The following ADGRV1 variants were observed in gnomAD, a reference collection of about 807,000 sequenced individuals.
ADGRV1 encodes the protein adhesion G protein-coupled receptor V1.
ADGRV1 carries 359 observed loss-of-function variants against 596.2 expected under a neutral mutation model. The observed-to-expected ratio is 0.60, with a 90% CI of 0.55 to 0.66. The LOEUF is 0.66. Among genes scored for constraint, ADGRV1 ranks in the 30% least tolerant of loss-of-function variants. The pLI is 0.00. For missense variants in ADGRV1, 7,274 were observed against 7,575.6 expected (o/e 0.96, Z 1.48); for synonymous variants, 2,681 against 2,679.2 (o/e 1.00, Z -0.02).
At chr5:90,639,676 G>A (rs956068931) in intron 11 of ADGRV1, among the ~76,000 whole-genome samples, 2 of 152,100 alleles carry the variant, frequency 1.3e-5, no homozygotes, top group Admixed American at 1.3e-4. Flanking sequence ...AATTTGACTA[G>A]TAATTGGTGC....
At chr5:90,605,356 A>G (rs976367639) in intron 1 of ADGRV1, among the ~76,000 whole-genome samples, 1 of 151,654 alleles carries the variant, frequency 6.6e-6, no homozygotes, top group Non-Finnish European at 1.5e-5. Context: ...TGGAGGTTGC[A>G]GTGAGCCAAG....
chr5:90,865,279 G>C (rs1031374277), intron 83 of ADGRV1, among the ~76,000 whole-genome samples: 1 of 152,050 alleles, frequency 6.6e-6, no homozygotes, highest in Non-Finnish European at 1.5e-5. Flanking sequence ...TTGAATCTAA[G>C]ATCTTAGAAA....
At position 90,706,442 on chromosome 5, in the gene ADGRV1, GT is replaced by G. The variant is rs755604187; in HGVS notation, c.8730+56del. Reference sequence around the variant, plus strand: ...ATCTTAGGGGGAGATAGTTTAATAAGTTTTTTTTATTATACTTTAAGTTTTA... The same window carrying G: ...ATCTTAGGGGGAGATAGTTTAATAAGTTTTTTTATTATACTTTAAGTTTTA... On this transcript the variant is annotated intron_variant, in intron 38 of 89. Transcript: ENST00000405460. 8.6e-5 allele frequency: 124 copies of G among 1,440,176 alleles called. 1 individual carries two copies. The South Asian group carries it at 1.4e-3, about 16-fold the overall frequency. 89.2% of individuals were successfully genotyped at this position (1,440,176 alleles called of 1,614,324 possible).
chr5:90,992,912 A>C (rs991274234), intron 85 of ADGRV1, among the ~76,000 whole-genome samples: 1 of 150,898 alleles, frequency 6.6e-6, no homozygotes, highest in Non-Finnish European at 1.5e-5. Flanking sequence ...AAAATTATAG[A>C]GTTTACATAT....
chr5:90,854,440 C>T (rs185263446), intron 81 of ADGRV1, among the ~76,000 whole-genome samples: 2 of 152,314 alleles, frequency 1.3e-5, no homozygotes, highest in Admixed American at 1.3e-4. Context: ...ATTTTTACTA[C>T]TTTCACGGGA....
intron 42 of ADGRV1, 22 bp from the exon 43 acceptor site, chr5:90,716,445 T>G: frequency 6.6e-7 from 1 of 1,517,810 alleles, no homozygotes; most frequent in Non-Finnish European, 8.9e-7. Context: ...CATTTGTTGC[T>G]TTAATATTTT....
chr5:90,574,998 C>G (rs1343692547), intron 1 of ADGRV1, among the ~76,000 whole-genome samples: 1 of 151,842 alleles, frequency 6.6e-6, no homozygotes, highest in East Asian at 1.9e-4. Flanking sequence ...GTTAATCTAG[C>G]CAGGGGTTTA....
At chr5:90,778,757 C>T (rs953889219) in intron 63 of ADGRV1, 108 bp from the exon 64 acceptor site, 1 of 1,073,340 alleles carries the variant, frequency 9.3e-7, no homozygotes, top group East Asian at 2.6e-5. Flanking sequence ...ATTTTATAAC[C>T]TTATATGTAA....
intron 1 of ADGRV1, among the ~76,000 whole-genome samples, chr5:90,571,123 T>C (rs1756471437): frequency 6.6e-6 from 1 of 152,100 alleles, no homozygotes; most frequent in Non-Finnish European, 1.5e-5. Context: ...CTTTTTAAAG[T>C]ATGTACTCTT....
intron 5 of ADGRV1, among the ~76,000 whole-genome samples, chr5:90,622,927 G>A (rs1427367360): frequency 1.3e-5 from 2 of 152,020 alleles, no homozygotes; most frequent in African/African-American, 2.4e-5. Flanking sequence ...TTTTAGTAGA[G>A]ACAGGGTGTC....
chr5:91,119,022 C>G (rs1042488872), intron 87 of ADGRV1, among the ~76,000 whole-genome samples: 2 of 152,174 alleles, frequency 1.3e-5, no homozygotes, highest in African/African-American at 4.8e-5. Context: ...ACATTCACAG[C>G]TCTGTTAGTA....
chr5:90,684,678 C>CT (rs1173319094), intron 28 of ADGRV1, among the ~76,000 whole-genome samples: 1 of 152,106 alleles, frequency 6.6e-6, no homozygotes, highest in Admixed American at 6.6e-5. Context: ...TCTCAGGCCT[C>CT]TTTTACATGG....
At chr5:90,859,899 G>A (rs1355276980) in intron 82 of ADGRV1, among the ~76,000 whole-genome samples, 2 of 149,750 alleles carry the variant, frequency 1.3e-5, no homozygotes, top group East Asian at 2.0e-4. Context: ...GGGCAACATA[G>A]CGAGACCCTG....
intron 85 of ADGRV1, among the ~76,000 whole-genome samples, chr5:91,052,164 T>C (rs1210400028): frequency 1.3e-5 from 2 of 152,166 alleles, no homozygotes; most frequent in Non-Finnish European, 2.9e-5. Context: ...TAAGCAAATA[T>C]AAGCCTTAAC....
At chr5:90,997,516 C>T (rs1167279136) in intron 85 of ADGRV1, among the ~76,000 whole-genome samples, 3 of 152,158 alleles carry the variant, frequency 2.0e-5, no homozygotes, top group African/African-American at 7.2e-5. Flanking sequence ...CTCTTTTCTT[C>T]ATAAATTACC....
At chr5:90,636,516 TTAGA>T (rs1190790493) in intron 10 of ADGRV1, among the ~76,000 whole-genome samples, 1 of 152,228 alleles carries the variant, frequency 6.6e-6, no homozygotes, top group Admixed American at 6.5e-5. Context: ...TGCTTTTATC[TTAGA>T]TAGCTGTAAA....
intron 85 of ADGRV1, among the ~76,000 whole-genome samples, chr5:91,009,266 A>G (rs145418607): frequency 1.5e-4 from 23 of 152,286 alleles, no homozygotes; most frequent in African/African-American, 5.0e-4. Flanking sequence ...ATCAAGGCAG[A>G]TGATAAAGAG....
chr5:90,627,953 C>CACACACAT (rs1765001646), intron 7 of ADGRV1, 177 bp downstream of exon 7: 2 of 438,674 alleles, frequency 4.6e-6, no homozygotes, highest in Non-Finnish European at 7.9e-6. Context: ...CACACACACA[C>CACACACAT]ACACACACAA....
At chr5:91,147,944 CAG>C in intron 87 of ADGRV1, among the ~76,000 whole-genome samples, 1 of 152,176 alleles carries the variant, frequency 6.6e-6, no homozygotes. Flanking sequence ...GAAGTGGTCT[CAG>C]ATAGAGACAA....
Sources: gnomAD v4.1 joint callset for allele counts (sites outside exome capture counted in the v4.1 genomes callset) on GRCh38, gnomAD v4.1.1 for gene constraint, MANE v1.5 for transcripts, NCBI Gene and HGNC (gene_info 2026-07-23, HGNC 2026-07-21) for gene names.